Variants in ABHD18 observed in about 807,000 individuals in gnomAD.
ABHD18 encodes the protein abhydrolase domain containing 18.
In ABHD18, 55 loss-of-function variants were observed where a neutral mutation model predicts 65.9. The ratio of observed to expected loss-of-function variants is 0.84; its 90% CI spans 0.67 to 1.05. The LOEUF is 1.05. Ranked by LOEUF, ABHD18 falls within the 50% of genes least tolerant of loss-of-function variation. The pLI is 0.00. For synonymous variants in ABHD18, 181 were observed against 180.2 expected, an observed-to-expected ratio of 1.00 and a Z score of -0.04; for missense variants, 533 against 558.5, an observed-to-expected ratio of 0.95 and a Z score of 0.46.
At chr4:128,008,832 T>G (rs1303388924) in intron 4 of ABHD18, 88 bp from the exon 5 acceptor site, 1 of 860,378 alleles carries the variant, frequency 1.2e-6, no homozygotes, top group African/African-American at 1.8e-5. Flanking sequence ...GTCAGATAAT[T>G]TAAATGTAAA....
At chr4:128,000,689 T>C (rs532085773) in intron 4 of ABHD18, among the ~76,000 whole-genome samples, 18 of 152,374 alleles carry the variant, frequency 1.2e-4, no homozygotes, top group Middle Eastern at 6.8e-3. Flanking sequence ...GGTAGTTTTA[T>C]AGGAATAGCA....
intron 4 of ABHD18, among the ~76,000 whole-genome samples, chr4:127,998,058 A>AT (rs917592855): frequency 1.3e-5 from 2 of 151,186 alleles, no homozygotes; most frequent in South Asian, 2.1e-4. Context: ...ACCAACTAAT[A>AT]TTTTTTTTAT....
At chr4:128,031,109 T>G in intron 12 of ABHD18, 1 of 989,280 alleles carries the variant, frequency 1.0e-6, no homozygotes, top group African/African-American at 1.7e-5. Context: ...AAGAAGTGCT[T>G]TTAATGTGAA....
chr4:127,974,560 A>G (rs908044710), intron 1 of ABHD18, among the ~76,000 whole-genome samples: 2 of 151,826 alleles, frequency 1.3e-5, no homozygotes, highest in Non-Finnish European at 2.9e-5. Context: ...TATTGTAGAA[A>G]TGGAATTTCA....
At chr4:128,030,404 T>C in intron 11 of ABHD18, 106 bp from the exon 12 acceptor site, 1 of 760,502 alleles carries the variant, frequency 1.3e-6, no homozygotes. Flanking sequence ...TGATTTTTAA[T>C]TTAATCAAAA....
intron 3 of ABHD18, among the ~76,000 whole-genome samples, chr4:127,988,998 G>A (rs1438121795): frequency 1.3e-5 from 2 of 152,162 alleles, no homozygotes; most frequent in Non-Finnish European, 2.9e-5. Flanking sequence ...AGCACTATTC[G>A]TAGTAGCCAA....
At chr4:127,987,680 T>C (rs1750206683) in intron 3 of ABHD18, among the ~76,000 whole-genome samples, 1 of 150,374 alleles carries the variant, frequency 6.7e-6, no homozygotes, top group Admixed American at 6.7e-5. Context: ...CTCACTGCAC[T>C]CCAGCCTAGG....
At chr4:128,003,767 G>C (rs1753090122) in intron 4 of ABHD18, among the ~76,000 whole-genome samples, 1 of 151,804 alleles carries the variant, frequency 6.6e-6, no homozygotes, top group Admixed American at 6.6e-5. Flanking sequence ...GCTGGGCAGA[G>C]ACAGCAGTCT....
intron 7 of ABHD18, among the ~76,000 whole-genome samples, chr4:128,015,689 G>A (rs891608829): frequency 6.6e-6 from 1 of 152,108 alleles, no homozygotes; most frequent in African/African-American, 2.4e-5. Flanking sequence ...TGGGAGCCAA[G>A]ATTTTGTTTT....
chr4:127,980,825 CAAAAAAAAAAA>C (rs768450115), intron 1 of ABHD18, among the ~76,000 whole-genome samples: 1 of 46,538 alleles, frequency 2.1e-5, no homozygotes, highest in African/African-American at 6.3e-5. Flanking sequence ...GACTGCATCT[CAAAAAAAAAAA>C]AAAAAAAAAA....
In ABHD18 at chr4:128,039,732, G is replaced by A. The variant is rs545352692; in HGVS notation, c.*3919G>A. Reference sequence around the variant, plus strand: ...GCTAATCATTTGTGCTTTTTTTCAAGAGGTATTATTGTAAATACGGTAGAC... The same window carrying A: ...GCTAATCATTTGTGCTTTTTTTCAAAAGGTATTATTGTAAATACGGTAGAC... On this transcript the variant is annotated 3_prime_UTR_variant, in exon 13 of 13. Coordinates refer to ENST00000645843, the MANE Select transcript of ABHD18 (RefSeq NM_001358451.3). 1.3e-5 allele frequency: 2 copies of A among 151,980 alleles called. No homozygotes were observed. The highest frequency in any genetic ancestry group is 4.2e-4 in the South Asian group (2 of 4,816). The allele number at this position is 151,980 out of a possible 1,614,324, so 9.4% of individuals were successfully genotyped here.
At chr4:127,978,350 A>G (rs911463814) in intron 1 of ABHD18, among the ~76,000 whole-genome samples, 3 of 152,146 alleles carry the variant, frequency 2.0e-5, no homozygotes, top group Admixed American at 6.5e-5. Flanking sequence ...ACTCCATTTT[A>G]CAATGACCGC....
At chr4:128,021,944 T>C (rs1756565526) in intron 10 of ABHD18, among the ~76,000 whole-genome samples, 1 of 152,206 alleles carries the variant, frequency 6.6e-6, no homozygotes. Flanking sequence ...CCTATAGTTC[T>C]TTTATTTGAA....
chr4:127,972,211 G>A (rs891598344), intron 1 of ABHD18, among the ~76,000 whole-genome samples: 5 of 152,140 alleles, frequency 3.3e-5, no homozygotes, highest in African/African-American at 7.2e-5. Context: ...CCTTCCTGAC[G>A]CACCAAGGTG....
At chr4:127,980,685 T>TG (rs916956973) in intron 1 of ABHD18, among the ~76,000 whole-genome samples, 22 of 149,912 alleles carry the variant, frequency 1.5e-4, no homozygotes, top group African/African-American at 5.4e-4. Flanking sequence ...TTCGCTGGGG[T>TG]GGGGTGGTGG....
At chr4:128,019,224 C>T (rs1756056895) in intron 8 of ABHD18, among the ~76,000 whole-genome samples, 1 of 152,094 alleles carries the variant, frequency 6.6e-6, no homozygotes, top group Non-Finnish European at 1.5e-5. Context: ...ATGTTACCTT[C>T]TTTGAATCAC....
intron 10 of ABHD18, among the ~76,000 whole-genome samples, chr4:128,025,034 A>G (rs549443177): frequency 6.6e-6 from 1 of 152,244 alleles, no homozygotes; most frequent in African/African-American, 2.4e-5. Flanking sequence ...ATGTATGGTC[A>G]TATAATTCAA....
At chr4:127,991,025 G>A (rs530148185) in intron 4 of ABHD18, among the ~76,000 whole-genome samples, 16 of 152,018 alleles carry the variant, frequency 1.1e-4, no homozygotes, top group African/African-American at 3.1e-4. Flanking sequence ...CACCATACCC[G>A]GCTAATTTTT....
chr4:128,031,943 G>T (rs1306749782), intron 12 of ABHD18, among the ~76,000 whole-genome samples: 1 of 152,176 alleles, frequency 6.6e-6, no homozygotes. Flanking sequence ...ACTACCTAGG[G>T]TTGCTAGGAT....
Sources: allele counts gnomAD v4.1 joint callset (sites outside exome capture counted in the v4.1 genomes callset), GRCh38; gene constraint gnomAD v4.1.1; transcripts MANE v1.5; gene names NCBI Gene and HGNC (gene_info 2026-07-23, HGNC 2026-07-21).